The following CNTNAP4 variants were observed in gnomAD, a reference collection of about 807,000 sequenced individuals.
The protein encoded by CNTNAP4 is contactin associated protein family member 4.
Under a neutral mutation model 148.4 loss-of-function variants are expected in CNTNAP4, and 98 were observed. That is an observed-to-expected ratio of 0.66 (90% CI 0.56 to 0.78). The LOEUF (loss-of-function observed/expected upper bound fraction) is 0.78, where lower values mean the gene tolerates loss of function less well. CNTNAP4 is among the 30% of genes least tolerant of loss of function. CNTNAP4 has a pLI of 0.00. For missense variants in CNTNAP4, 1,935 were observed against 1,565.6 expected, an observed-to-expected ratio of 1.24 and a Z score of -3.98; for synonymous variants, 730 against 565.1, an observed-to-expected ratio of 1.29 and a Z score of -4.14.
intron 3 of CNTNAP4, among the ~76,000 whole-genome samples, chr16:76,392,807 C>A (rs12597564): frequency 6.6e-6 from 1 of 152,130 alleles, no homozygotes; most frequent in Non-Finnish European, 1.5e-5. Context: ...GGCACAGATT[C>A]ATTTCTTGTG....
At chr16:76,530,754 C>T (rs1240160378) in intron 17 of CNTNAP4, among the ~76,000 whole-genome samples, 1 of 152,180 alleles carries the variant, frequency 6.6e-6, no homozygotes, top group African/African-American at 2.4e-5. Context: ...CTGTTCCTCC[C>T]CTCCTTTCCA....
At position 76,288,146 on chromosome 16, in the gene CNTNAP4, C is replaced by G. The variant is rs549713687; in HGVS notation, c.85+10399C>G. Among the ~76,000 whole-genome samples, 6 of 152,092 alleles carry G rather than the reference C, an allele frequency of 3.9e-5. No homozygotes were observed. In the East Asian group the frequency reaches 9.7e-4, roughly 25 times the overall value. ...GTTCTTGTTATAGTGAATGAGATCT[C>G]GTGAGATATGATGGTTTTATAGGAG... On this transcript the variant is annotated intron_variant, in intron 1 of 23. Transcript: ENST00000611870.
intron 3 of CNTNAP4, among the ~76,000 whole-genome samples, chr16:76,373,653 G>C (rs1210874240): frequency 6.6e-6 from 1 of 152,088 alleles, no homozygotes; most frequent in East Asian, 1.9e-4. Context: ...TCAGCACTTT[G>C]GGAGGCCGAG....
intron 7 of CNTNAP4, 63 bp downstream of exon 7, chr16:76,449,921 C>T (rs1261866789): frequency 1.4e-6 from 2 of 1,435,282 alleles, no homozygotes; most frequent in Non-Finnish European, 1.9e-6. Context: ...CAGTAAAATT[C>T]CTCCATTTTA....
intron 2 of CNTNAP4, among the ~76,000 whole-genome samples, chr16:76,346,537 T>A (rs1417992455): frequency 6.6e-6 from 1 of 151,946 alleles, no homozygotes; most frequent in Admixed American, 6.6e-5. Context: ...TTTACTGAAA[T>A]GACCTGCCTT....
chr16:76,308,691 G>A (rs1318420887), intron 1 of CNTNAP4, among the ~76,000 whole-genome samples: 5 of 152,208 alleles, frequency 3.3e-5, no homozygotes, highest in African/African-American at 1.2e-4. Flanking sequence ...TTCTGGCTGT[G>A]GGACACAATC....
intron 3 of CNTNAP4, among the ~76,000 whole-genome samples, chr16:76,381,868 G>A (rs2016003624): frequency 6.6e-6 from 1 of 152,034 alleles, no homozygotes; most frequent in Non-Finnish European, 1.5e-5. Context: ...AGACCATCCT[G>A]GCTAACACGG....
At chr16:76,357,225 C>G (rs1427137888) in intron 3 of CNTNAP4, among the ~76,000 whole-genome samples, 2 of 152,172 alleles carry the variant, frequency 1.3e-5, no homozygotes, top group African/African-American at 4.8e-5. Context: ...GGATTATCTT[C>G]TGCTCTTTTT....
chr16:76,328,902 C>T (rs556652008), intron 2 of CNTNAP4, among the ~76,000 whole-genome samples: 3 of 152,168 alleles, frequency 2.0e-5, no homozygotes, highest in African/African-American at 7.2e-5. Context: ...GCCTCAGCCG[C>T]CCAAAGTGCT....
In CNTNAP4 at chr16:76,558,714, A is replaced by G; in HGVS notation, c.*31A>G. On this transcript the variant is annotated 3_prime_UTR_variant, in exon 24 of 24. Transcript: ENST00000611870. ...AGCTATGATTTAACATAAAATTATG[A>G]TAGTTTGTTTTAATAGCCAGGGGTT... The G allele has an allele frequency of 1.3e-6, 2 of 1,534,176 alleles. No individual in the cohort carries two copies. The highest frequency in any genetic ancestry group is 1.2e-5 in the South Asian group (1 of 84,220).
At chr16:76,440,192 A>G (rs12929135) in intron 4 of CNTNAP4, among the ~76,000 whole-genome samples, 150,325 of 152,176 alleles carry the variant, frequency 0.99, 74,279 homozygotes, top group East Asian at 1. Context: ...GATCTTTGAC[A>G]GGAACATTCT....
intron 3 of CNTNAP4, among the ~76,000 whole-genome samples, chr16:76,382,825 A>G (rs1389755963): frequency 1.3e-5 from 2 of 152,182 alleles, no homozygotes; most frequent in Non-Finnish European, 2.9e-5. Flanking sequence ...GCCATCAAAT[A>G]TACAAATAAA....
At chr16:76,369,423 T>C (rs1182393653) in intron 3 of CNTNAP4, among the ~76,000 whole-genome samples, 2 of 152,132 alleles carry the variant, frequency 1.3e-5, no homozygotes, top group African/African-American at 4.8e-5. Flanking sequence ...GACCAAGAAG[T>C]TCTACCATCT....
At chr16:76,368,681 G>A (rs2014440015) in intron 3 of CNTNAP4, among the ~76,000 whole-genome samples, 2 of 152,078 alleles carry the variant, frequency 1.3e-5, no homozygotes, top group South Asian at 2.1e-4. Flanking sequence ...GTGGGGTAAG[G>A]GGCAAGGGGA....
chr16:76,552,008 A>G (rs1246407241), intron 21 of CNTNAP4, among the ~76,000 whole-genome samples: 1 of 152,220 alleles, frequency 6.6e-6, no homozygotes, highest in Non-Finnish European at 1.5e-5. Context: ...AAGAGGTGTA[A>G]TCAACACAGT....
intron 19 of CNTNAP4, 26 bp downstream of exon 19, chr16:76,538,366 GA>G (rs1489539336): frequency 6.6e-7 from 1 of 1,516,074 alleles, no homozygotes. Flanking sequence ...ATGAGAGAGA[GA>G]AAATTAAATT....
rs528243252 is a variant in CNTNAP4, at chr16:76,535,411, A to G, written c.2756-134A>G. The G allele has an allele frequency of 1.8e-3, 1,535 of 868,776 alleles. 20 individuals carry two copies. The African/African-American group carries it at 0.021, about 12-fold the overall frequency. The allele number at this position is 868,776 out of a possible 1,614,324, so 53.8% of individuals were successfully genotyped here. A position where few individuals can be genotyped will look rare whatever the true frequency, so the allele number is the denominator to read the frequency against. The stretch of plus-strand genomic sequence containing the variant: ...TTCTTGGAGTCTATATTTGACCATG[A>G]ATTGTGTTTCCAAAATTATATTTGC... On this transcript the variant is annotated intron_variant, in intron 17 of 23. Coordinates refer to ENST00000611870, the MANE Select transcript of CNTNAP4 (RefSeq NM_033401.5).
chr16:76,461,924 A>C, intron 8 of CNTNAP4, 32 bp from the exon 9 acceptor site: 2 of 1,607,674 alleles, frequency 1.2e-6, no homozygotes, highest in Non-Finnish European at 1.7e-6. Flanking sequence ...TTCACTATTG[A>C]GAGCGATCTC....
chr16:76,305,053 T>C (rs1290295041), intron 1 of CNTNAP4, among the ~76,000 whole-genome samples: 4 of 152,214 alleles, frequency 2.6e-5, no homozygotes, highest in African/African-American at 7.2e-5. Flanking sequence ...GTACAGGTTT[T>C]TGTGTGAACA....
Sources: allele counts gnomAD v4.1 joint callset (sites outside exome capture counted in the v4.1 genomes callset), GRCh38; gene constraint gnomAD v4.1.1; transcripts MANE v1.5; gene names NCBI Gene and HGNC (gene_info 2026-07-23, HGNC 2026-07-21).